The following ESR1 variants were observed in gnomAD, a reference collection of about 807,000 sequenced individuals.
ESR1 encodes the protein estrogen receptor 1.
ESR1 carries 12 observed loss-of-function variants against 52.7 expected under a neutral mutation model. The observed-to-expected ratio is 0.23, with a 90% CI of 0.15 to 0.37. The LOEUF (loss-of-function observed/expected upper bound fraction) is 0.37. ESR1 is among the 10% of genes least tolerant of loss of function. ESR1 has a pLI of 1.00. For synonymous variants in ESR1, 305 were observed against 316.8 expected (o/e 0.96, Z 0.39); for missense variants, 584 against 779.7 (o/e 0.75, Z 2.99).
At chr6:151,684,850 C>T (rs960705240) in intron 1 of ESR1, among the ~76,000 whole-genome samples, 1 of 152,136 alleles carries the variant, frequency 6.6e-6, no homozygotes, top group African/African-American at 2.4e-5. Context: ...ATCAAAGGCA[C>T]CCATAGGCAG....
At chr6:151,725,473 C>G (rs772415285) in intron 2 of ESR1, among the ~76,000 whole-genome samples, 2 of 152,112 alleles carry the variant, frequency 1.3e-5, no homozygotes, top group Non-Finnish European at 2.9e-5. Context: ...TATAGAGTTT[C>G]TTGGTAAAGT....
intron 3 of ESR1, among the ~76,000 whole-genome samples, chr6:151,886,539 T>C (rs1450218548): frequency 1.3e-5 from 2 of 152,144 alleles, no homozygotes; most frequent in Non-Finnish European, 1.5e-5. Flanking sequence ...GAAAATAACA[T>C]ACTACTAATA....
intron 1 of ESR1, among the ~76,000 whole-genome samples, chr6:151,822,232 A>G (rs937088628): frequency 6.6e-6 from 1 of 152,216 alleles, no homozygotes; most frequent in African/African-American, 2.4e-5. Context: ...TCAATATTTT[A>G]TGACTTTTAT....
At chr6:152,117,312 C>T (rs1203252292) in intron 6 of ESR1, among the ~76,000 whole-genome samples, 1 of 152,194 alleles carries the variant, frequency 6.6e-6, no homozygotes, top group Non-Finnish European at 1.5e-5. Flanking sequence ...CCAACAACAG[C>T]TCCAAGAATG....
chr6:152,051,537 T>C (rs6557193), intron 5 of ESR1, among the ~76,000 whole-genome samples: 33,403 of 152,032 alleles, frequency 0.22, 5,313 homozygotes, highest in African/African-American at 0.44. Flanking sequence ...TCCCCCTGCT[T>C]CTCTGTATGT....
At chr6:152,026,527 A>G (rs1392702627) in intron 5 of ESR1, among the ~76,000 whole-genome samples, 1 of 151,978 alleles carries the variant, frequency 6.6e-6, no homozygotes, top group African/African-American at 2.4e-5. Flanking sequence ...TCAATCTGAG[A>G]ATACTTTTAA....
intron 2 of ESR1, among the ~76,000 whole-genome samples, chr6:151,874,132 A>T (rs987326961): frequency 6.6e-6 from 1 of 152,216 alleles, no homozygotes; most frequent in African/African-American, 2.4e-5. Context: ...TGAGCCTTAA[A>T]ATATGAACAG....
intron 1 of ESR1, among the ~76,000 whole-genome samples, chr6:151,674,008 T>C (rs1223623673): frequency 6.6e-6 from 1 of 152,190 alleles, no homozygotes; most frequent in African/African-American, 2.4e-5. Flanking sequence ...AGAAATTGCA[T>C]CATTTTCTTT....
intron 5 of ESR1, among the ~76,000 whole-genome samples, chr6:152,033,004 G>T (rs1341693014): frequency 1.3e-5 from 2 of 152,150 alleles, no homozygotes. Context: ...ACAACTGTCT[G>T]ATCTTTGACA....
At chr6:152,027,791 G>A (rs957039843) in intron 5 of ESR1, among the ~76,000 whole-genome samples, 40 of 152,152 alleles carry the variant, frequency 2.6e-4, no homozygotes, top group Non-Finnish European at 1.3e-4. Flanking sequence ...TACATAGAAT[G>A]TCTTTTGAAT....
At chr6:151,873,204 T>C (rs1043127557) in intron 2 of ESR1, among the ~76,000 whole-genome samples, 3 of 152,238 alleles carry the variant, frequency 2.0e-5, no homozygotes, top group Non-Finnish European at 4.4e-5. Context: ...GTTCAGCTTC[T>C]GGAATGAAAG....
At chr6:152,067,112 C>T (rs567615059) in intron 6 of ESR1, among the ~76,000 whole-genome samples, 122 of 152,312 alleles carry the variant, frequency 8.0e-4, no homozygotes, top group African/African-American at 2.9e-3. Flanking sequence ...AGGAGAATTT[C>T]ACCCCTGCGC....
At chr6:152,003,751 AAG>A (rs1280424278) in intron 4 of ESR1, among the ~76,000 whole-genome samples, 1 of 152,008 alleles carries the variant, frequency 6.6e-6, no homozygotes, top group African/African-American at 2.4e-5. Context: ...TCAAAGATAC[AAG>A]TGACATTTTC....
intron 5 of ESR1, among the ~76,000 whole-genome samples, chr6:152,056,884 GCCC>G (rs1270760869): frequency 6.6e-6 from 1 of 152,048 alleles, no homozygotes; most frequent in Non-Finnish European, 1.5e-5. Context: ...GTTTTTCCAT[GCCC>G]CACGTGCTTC....
At chr6:152,043,190 G>A (rs943042841) in intron 5 of ESR1, among the ~76,000 whole-genome samples, 2 of 152,114 alleles carry the variant, frequency 1.3e-5, no homozygotes, top group Non-Finnish European at 2.9e-5. Context: ...GGGAGATCAG[G>A]CATTTCCAGC....
At chr6:152,024,198 G>A (rs1305160920) in intron 5 of ESR1, among the ~76,000 whole-genome samples, 1 of 152,056 alleles carries the variant, frequency 6.6e-6, no homozygotes, top group Admixed American at 6.5e-5. Context: ...CTGTAGTCTT[G>A]TCTTTTTCTA....
intron 1 of ESR1, among the ~76,000 whole-genome samples, chr6:151,822,584 C>T (rs976559328): frequency 2.6e-5 from 4 of 152,214 alleles, no homozygotes; most frequent in Admixed American, 6.5e-5. Context: ...TAAATCTTCC[C>T]GAAGTCCAGG....
chr6:152,115,157 C>A (rs2051195870), intron 6 of ESR1, among the ~76,000 whole-genome samples: 1 of 151,992 alleles, frequency 6.6e-6, no homozygotes, highest in South Asian at 2.1e-4. Context: ...ACGAGTTTTT[C>A]CCTACAAAAT....
At chr6:152,028,982 C>G (rs1297704982) in intron 5 of ESR1, among the ~76,000 whole-genome samples, 2 of 152,194 alleles carry the variant, frequency 1.3e-5, no homozygotes, top group African/African-American at 4.8e-5. Context: ...TTGCTGTTCA[C>G]CAATATCCGC....
Sources: allele counts gnomAD v4.1 joint callset (sites outside exome capture counted in the v4.1 genomes callset), GRCh38; gene constraint gnomAD v4.1.1; transcripts MANE v1.5; gene names NCBI Gene and HGNC (gene_info 2026-07-23, HGNC 2026-07-21).